The following TSNAX variants were observed in gnomAD, a reference collection of about 807,000 sequenced individuals.
TSNAX encodes translin-associated protein X.
A neutral mutation model predicts 33.0 loss-of-function variants in TSNAX; 12 were observed. The observed-to-expected ratio is 0.36, with a 90% CI of 0.23 to 0.59. The LOEUF is 0.59. Ranked by LOEUF, TSNAX falls within the 20% of genes least tolerant of loss-of-function variation. TSNAX has a pLI of 0.74. For synonymous variants in TSNAX, 110 were observed against 117.2 expected (o/e 0.94, Z 0.40); for missense variants, 267 against 341.3 (o/e 0.78, Z 1.72).
chr1:231,531,154 C>T (rs144399610), intron 2 of TSNAX, among the ~76,000 whole-genome samples: 2 of 152,110 alleles, frequency 1.3e-5, no homozygotes, highest in East Asian at 1.9e-4. Flanking sequence ...GACAGGGTTT[C>T]GCCATGTTGC....
intron 4 of TSNAX, among the ~76,000 whole-genome samples, chr1:231,552,386 C>T (rs959929921): frequency 6.6e-6 from 1 of 152,180 alleles, no homozygotes. Flanking sequence ...AGCACACATA[C>T]TTTACAAAGC....
intron 2 of TSNAX, among the ~76,000 whole-genome samples, chr1:231,532,351 G>A (rs1018398915): frequency 2.0e-5 from 3 of 151,690 alleles, no homozygotes; most frequent in African/African-American, 4.8e-5. Context: ...GCCACCACAC[G>A]TGGCTAGTTT....
chr1:231,552,025 G>A (rs1660336683), intron 4 of TSNAX, among the ~76,000 whole-genome samples: 1 of 151,994 alleles, frequency 6.6e-6, no homozygotes, highest in Non-Finnish European at 1.5e-5. Flanking sequence ...TCCAGGCGCG[G>A]TGGCTTACGC....
intron 3 of TSNAX, among the ~76,000 whole-genome samples, chr1:231,541,653 G>C (rs1157351901): frequency 1.3e-5 from 2 of 152,098 alleles, no homozygotes; most frequent in African/African-American, 2.4e-5. Context: ...TATAGATTCA[G>C]ATTTTTATCT....
At chr1:231,536,315 C>T (rs1164048086) in intron 2 of TSNAX, 2 of 152,068 alleles carry the variant, frequency 1.3e-5, no homozygotes, top group Non-Finnish European at 2.9e-5. Context: ...TGCAATATTA[C>T]TACATGGTAA....
chr1:231,528,732 T>G lies in TSNAX; in HGVS notation c.-79T>G, dbSNP rs767120240. 38 of 1,571,002 alleles carry G rather than the reference T, an allele frequency of 2.4e-5. No individual in the cohort carries two copies. Among genetic ancestry groups the G allele is most frequent in the Admixed American group, 1.7e-4 (10 of 59,076 alleles). ...TTTTCTGCAGGCTGTTTTCCCAGGT[T>G]CCCTCGGCCTGTACCTCGCGCACTC... On this transcript the variant is annotated 5_prime_UTR_variant, in exon 1 of 6. Transcript: ENST00000366639.
intron 4 of TSNAX, 51 bp downstream of exon 4, chr1:231,542,662 A>G (rs1002979367): frequency 1.9e-6 from 3 of 1,560,518 alleles, no homozygotes; most frequent in African/African-American, 1.4e-5. Context: ...GGTGTGCTAC[A>G]TGATTAACAT....
At position 231,557,938 on chromosome 1, in the gene TSNAX, A is replaced by G. The variant is rs932176638; in HGVS notation, c.368-3190A>G. 4.1e-4 allele frequency among the ~76,000 whole-genome samples: 63 copies of G among 152,272 alleles called. 1 individual carries two copies. The highest frequency in any genetic ancestry group is 1.4e-3 in the African/African-American group (59 of 41,514). ...CAACATACAGACTTATTAACCATAT[A>G]GGGGATTATAAGAGTAAAAGAGAAC... On this transcript the variant is annotated intron_variant, in intron 4 of 5. Coordinates refer to ENST00000366639, the MANE Select transcript of TSNAX (RefSeq NM_005999.3).
At chr1:231,544,825 G>C (rs1659800653) in intron 4 of TSNAX, among the ~76,000 whole-genome samples, 2 of 152,224 alleles carry the variant, frequency 1.3e-5, no homozygotes, top group African/African-American at 4.8e-5. Flanking sequence ...AATGCAGGAA[G>C]GAAGTGCTGT....
At chr1:231,557,612 G>T (rs1228933767) in intron 4 of TSNAX, among the ~76,000 whole-genome samples, 1 of 152,050 alleles carries the variant, frequency 6.6e-6, no homozygotes, top group Non-Finnish European at 1.5e-5. Flanking sequence ...GGAAATATAG[G>T]GTTCATGGAT....
intron 1 of TSNAX, 65 bp from the exon 2 acceptor site, chr1:231,529,190 C>CT: frequency 6.5e-7 from 1 of 1,530,172 alleles, no homozygotes; most frequent in South Asian, 1.2e-5. Context: ...GTAGGTTTGT[C>CT]TATGTTGTGT....
chr1:231,561,281 T>C (rs766610885), intron 5 of TSNAX, 26 bp downstream of exon 5: 9 of 1,459,442 alleles, frequency 6.2e-6, no homozygotes, highest in Non-Finnish European at 8.5e-6. Flanking sequence ...TTATTTCACA[T>C]TTGTTATATA....
chr1:231,539,302 T>C (rs752298746), intron 3 of TSNAX, among the ~76,000 whole-genome samples: 5 of 152,116 alleles, frequency 3.3e-5, no homozygotes, highest in Admixed American at 6.5e-5. Context: ...AACATACAGA[T>C]TGAGTATCCT....
chr1:231,547,460 G>A (rs763021382), intron 4 of TSNAX, among the ~76,000 whole-genome samples: 2 of 138,870 alleles, frequency 1.4e-5, no homozygotes, highest in Admixed American at 8.2e-5. Context: ...GCGTGATCTC[G>A]GCTCACTGCA....
chr1:231,539,837 TAAG>T (rs980359288), intron 3 of TSNAX, among the ~76,000 whole-genome samples: 27 of 151,902 alleles, frequency 1.8e-4, no homozygotes, highest in African/African-American at 6.3e-4. Context: ...ATAAGAAACT[TAAG>T]AAAAAAATAG....
intron 3 of TSNAX, among the ~76,000 whole-genome samples, chr1:231,539,425 C>A (rs758359216): frequency 6.6e-6 from 1 of 152,136 alleles, no homozygotes; most frequent in Non-Finnish European, 1.5e-5. Context: ...CTCTTGTGAG[C>A]ATTTCCTTAG....
At chr1:231,530,174 A>C (rs1016252530) in intron 2 of TSNAX, among the ~76,000 whole-genome samples, 1 of 152,224 alleles carries the variant, frequency 6.6e-6, no homozygotes. Context: ...CTATGTCCTA[A>C]TCTCAGACAT....
chr1:231,550,935 A>G (rs1660257291), intron 4 of TSNAX, among the ~76,000 whole-genome samples: 1 of 152,190 alleles, frequency 6.6e-6, no homozygotes, highest in Admixed American at 6.5e-5. Context: ...AGCCCTTTCC[A>G]ACAGCATCTA....
chr1:231,530,776 T>C (rs557109895), intron 2 of TSNAX, among the ~76,000 whole-genome samples: 2 of 150,904 alleles, frequency 1.3e-5, no homozygotes, highest in East Asian at 4.0e-4. Context: ...TAATCCCAGC[T>C]ACTCGGGAGG....
Sources: gnomAD v4.1 joint callset for allele counts (sites outside exome capture counted in the v4.1 genomes callset) on GRCh38, gnomAD v4.1.1 for gene constraint, MANE v1.5 for transcripts, NCBI Gene and HGNC (gene_info 2026-07-23, HGNC 2026-07-21) for gene names.